The following ROBO2 variants were observed in gnomAD, a reference collection of about 807,000 sequenced individuals.
ROBO2 encodes the protein roundabout guidance receptor 2.
ROBO2 carries 53 observed loss-of-function variants against 160.8 expected under a neutral mutation model. The observed-to-expected ratio is 0.33, with a 90% CI of 0.26 to 0.41. The LOEUF is 0.41. ROBO2 is among the 10% of genes least tolerant of loss of function. The pLI, the probability that ROBO2 is intolerant of heterozygous loss-of-function variation, is 1.00. For missense variants in ROBO2, 1,577 were observed against 1,722.4 expected, an observed-to-expected ratio of 0.92 and a Z score of 1.49; for synonymous variants, 664 against 611.7, an observed-to-expected ratio of 1.09 and a Z score of -1.26.
chr3:76,444,112 T>C (rs1006821145), intron 2 of ROBO2, among the ~76,000 whole-genome samples: 2 of 151,958 alleles, frequency 1.3e-5, no homozygotes, highest in Admixed American at 1.3e-4. Flanking sequence ...ATTATAGGCA[T>C]GCGCCACCAC....
In ROBO2 at chr3:76,680,528, G is replaced by A. The variant is rs190545390; in HGVS notation, c.110-417486G>A. ...ATGTAGACAAATGCAGGAGAAGGTA[G>A]GCTGATGCCAAAAGCTAGCATGTTT... On this transcript the variant is annotated intron_variant, in intron 2 of 26. Coordinates refer to the ROBO2 transcript ENST00000487694. Among the ~76,000 whole-genome samples, 274 of 152,050 alleles carry A rather than the reference G, an allele frequency of 1.8e-3. 5 individuals carry two copies. Among genetic ancestry groups the A allele is most frequent in the Non-Finnish European group, 4.0e-4 (27 of 68,010 alleles).
intron 2 of ROBO2, among the ~76,000 whole-genome samples, chr3:76,089,061 C>T (rs193084537): frequency 2.0e-5 from 3 of 152,092 alleles, no homozygotes; most frequent in East Asian, 1.9e-4. Context: ...ATGAACAAAT[C>T]TATGCTTCCA....
At chr3:77,207,481 A>G (rs1001907160) in intron 2 of ROBO2, among the ~76,000 whole-genome samples, 4 of 152,212 alleles carry the variant, frequency 2.6e-5, no homozygotes, top group Admixed American at 1.3e-4. Context: ...GTTTTTGCTA[A>G]TGCTTCTATC....
At chr3:76,068,601 A>G (rs897906950) in intron 2 of ROBO2, among the ~76,000 whole-genome samples, 1 of 152,142 alleles carries the variant, frequency 6.6e-6, no homozygotes, top group Non-Finnish European at 1.5e-5. Flanking sequence ...CATATTCTTC[A>G]TATGCAAACA....
chr3:77,342,282 T>G (rs985084085), intron 2 of ROBO2, among the ~76,000 whole-genome samples: 14 of 152,060 alleles, frequency 9.2e-5, no homozygotes, highest in Admixed American at 8.5e-4. Context: ...TGTCAGTGTG[T>G]AAAAGAAAAT....
intron 2 of ROBO2, among the ~76,000 whole-genome samples, chr3:76,555,372 G>GAAT (rs1269674634): frequency 2.0e-5 from 1 of 50,840 alleles, no homozygotes. Context: ...AGAAGAAGAA[G>GAAT]AAGAAGAAGA....
intron 2 of ROBO2, among the ~76,000 whole-genome samples, chr3:76,656,210 A>C (rs1161424275): frequency 6.6e-6 from 1 of 152,172 alleles, no homozygotes; most frequent in Non-Finnish European, 1.5e-5. Flanking sequence ...CAAATGACTG[A>C]TGGTAGCCAA....
intron 2 of ROBO2, among the ~76,000 whole-genome samples, chr3:76,114,584 T>C (rs2070379546): frequency 6.6e-6 from 1 of 152,082 alleles, no homozygotes; most frequent in African/African-American, 2.4e-5. Flanking sequence ...TCTTTAAAGA[T>C]GAAGAAATTG....
chr3:76,323,118 C>T (rs1217042811), intron 2 of ROBO2, among the ~76,000 whole-genome samples: 7 of 143,968 alleles, frequency 4.9e-5, no homozygotes, highest in African/African-American at 1.8e-4. Flanking sequence ...ATACTCAAAT[C>T]TTTTACTTAT....
intron 2 of ROBO2, among the ~76,000 whole-genome samples, chr3:76,847,195 A>C (rs2068854725): frequency 6.6e-6 from 1 of 152,178 alleles, no homozygotes; most frequent in South Asian, 2.1e-4. Context: ...TTTCAGAAGT[A>C]GGAAAAAAGT....
At chr3:76,952,681 G>C (rs1484238079) in intron 2 of ROBO2, among the ~76,000 whole-genome samples, 1 of 151,684 alleles carries the variant, frequency 6.6e-6, no homozygotes, top group African/African-American at 2.4e-5. Flanking sequence ...TAGTATATCT[G>C]TGTGTGTATA....
At chr3:76,785,881 A>G (rs573280358) in intron 2 of ROBO2, among the ~76,000 whole-genome samples, 2 of 151,290 alleles carry the variant, frequency 1.3e-5, no homozygotes, top group African/African-American at 4.8e-5. Context: ...ATCTGCTACA[A>G]TTGTTTCAAA....
At chr3:76,018,278 A>C in intron 2 of ROBO2, among the ~76,000 whole-genome samples, 1 of 152,020 alleles carries the variant, frequency 6.6e-6, no homozygotes, top group East Asian at 1.9e-4. Flanking sequence ...TAAATAGAAA[A>C]ATAGAAAAAA....
chr3:77,517,663 T>C (rs1423918987), intron 5 of ROBO2, among the ~76,000 whole-genome samples: 2 of 151,506 alleles, frequency 1.3e-5, no homozygotes, highest in Admixed American at 6.6e-5. Context: ...TTACCCTTGG[T>C]CAACTGTGGT....
intron 2 of ROBO2, among the ~76,000 whole-genome samples, chr3:76,365,416 T>C (rs1288485489): frequency 6.6e-6 from 1 of 152,098 alleles, no homozygotes; most frequent in East Asian, 1.9e-4. Flanking sequence ...AGATATGATG[T>C]AAGCTAATTG....
At chr3:77,195,765 T>C (rs2082253368) in intron 2 of ROBO2, among the ~76,000 whole-genome samples, 1 of 152,218 alleles carries the variant, frequency 6.6e-6, no homozygotes, top group African/African-American at 2.4e-5. Context: ...ATAGAAGTGC[T>C]GAATTGTATG....
intron 3 of ROBO2, among the ~76,000 whole-genome samples, chr3:77,477,866 T>C (rs1290020324): frequency 1.4e-5 from 2 of 147,026 alleles, no homozygotes; most frequent in African/African-American, 5.1e-5. Context: ...GACAGAGTCT[T>C]GCTCTGTCAC....
intron 2 of ROBO2, among the ~76,000 whole-genome samples, chr3:76,368,128 C>G (rs1178079518): frequency 6.6e-6 from 1 of 151,188 alleles, no homozygotes; most frequent in Admixed American, 6.6e-5. Context: ...GGTGTCATAT[C>G]AATAAAAAGG....
chr3:76,686,098 G>A (rs1480269868), intron 2 of ROBO2, among the ~76,000 whole-genome samples: 1 of 152,066 alleles, frequency 6.6e-6, no homozygotes, highest in Non-Finnish European at 1.5e-5. Context: ...GGAGGGGAAA[G>A]GGCCATCCCT....
Sources: gnomAD v4.1 joint callset for allele counts (sites outside exome capture counted in the v4.1 genomes callset) on GRCh38, gnomAD v4.1.1 for gene constraint, MANE v1.5 for transcripts, NCBI Gene and HGNC (gene_info 2026-07-23, HGNC 2026-07-21) for gene names.